The following RSRC1 variants were observed in gnomAD, a reference collection of about 807,000 sequenced individuals.
The protein encoded by RSRC1 is serine/Arginine-related protein 53.
RSRC1 carries 39 observed loss-of-function variants against 49.1 expected under a neutral mutation model. The ratio of observed to expected loss-of-function variants is 0.79; its 90% CI spans 0.61 to 1.04. The LOEUF is 1.04. RSRC1 is among the 50% of genes least tolerant of loss of function. The pLI is 0.00. For missense variants in RSRC1, 388 were observed against 402.4 expected (o/e 0.96, Z 0.31); for synonymous variants, 143 against 130.8 (o/e 1.09, Z -0.63).
At chr3:158,450,331 CT>C (rs57318071) in intron 6 of RSRC1, among the ~76,000 whole-genome samples, 32,415 of 127,070 alleles carry the variant, frequency 0.26, 2,878 homozygotes, top group African/African-American at 0.33. Flanking sequence ...TTCTTTTTTG[CT>C]TTTTTTTTTT....
At chr3:158,387,090 T>A (rs1733008123) in intron 6 of RSRC1, among the ~76,000 whole-genome samples, 1 of 152,046 alleles carries the variant, frequency 6.6e-6, no homozygotes, top group Non-Finnish European at 1.5e-5. Flanking sequence ...AAGTGGTTGG[T>A]TTAGTTACAG....
intron 4 of RSRC1, among the ~76,000 whole-genome samples, chr3:158,269,343 A>G (rs1725375679): frequency 6.6e-6 from 1 of 152,172 alleles, no homozygotes; most frequent in Non-Finnish European, 1.5e-5. Context: ...ATGTTAGTTT[A>G]TGGTGTATGA....
chr3:158,235,030 A>G (rs954822346), intron 4 of RSRC1, among the ~76,000 whole-genome samples: 5 of 152,162 alleles, frequency 3.3e-5, no homozygotes, highest in Admixed American at 2.6e-4. Flanking sequence ...GCAGGGTTAC[A>G]CAGATGGAAA....
chr3:158,267,840 T>C (rs1725276447), intron 4 of RSRC1, among the ~76,000 whole-genome samples: 1 of 148,312 alleles, frequency 6.7e-6, no homozygotes, highest in African/African-American at 2.5e-5. Flanking sequence ...TCTTTTCTTA[T>C]GCTGTTTGTT....
chr3:158,424,618 C>T (rs1162875598), intron 6 of RSRC1, among the ~76,000 whole-genome samples: 3 of 151,118 alleles, frequency 2.0e-5, no homozygotes, highest in Non-Finnish European at 4.4e-5. Flanking sequence ...AGGATTCCCT[C>T]TTTTTCTATT....
intron 7 of RSRC1, among the ~76,000 whole-genome samples, chr3:158,519,201 A>G (rs1305912289): frequency 6.6e-6 from 1 of 152,092 alleles, no homozygotes; most frequent in Non-Finnish European, 1.5e-5. Context: ...TGTTAATTCT[A>G]CATCCCAAAT....
At chr3:158,497,108 C>T (rs1739362902) in intron 7 of RSRC1, among the ~76,000 whole-genome samples, 1 of 151,954 alleles carries the variant, frequency 6.6e-6, no homozygotes, top group Non-Finnish European at 1.5e-5. Context: ...GTATACAGTT[C>T]AGTAGTGTTA....
At chr3:158,379,960 A>G (rs975263497) in intron 6 of RSRC1, among the ~76,000 whole-genome samples, 7 of 151,916 alleles carry the variant, frequency 4.6e-5, no homozygotes, top group Non-Finnish European at 8.8e-5. Context: ...ATATCAGGGT[A>G]AGGATTGTTA....
chr3:158,438,018 C>T (rs944122560), intron 6 of RSRC1, among the ~76,000 whole-genome samples: 1 of 152,100 alleles, frequency 6.6e-6, no homozygotes, highest in African/African-American at 2.4e-5. Flanking sequence ...TTCCTATACA[C>T]CAGTAACAGA....
intron 7 of RSRC1, among the ~76,000 whole-genome samples, chr3:158,491,116 A>G (rs1158215408): frequency 6.6e-6 from 1 of 152,238 alleles, no homozygotes; most frequent in African/African-American, 2.4e-5. Flanking sequence ...TGATAATTTT[A>G]TCATAGTTTT....
chr3:158,492,134 A>T (rs1450600608), intron 7 of RSRC1, among the ~76,000 whole-genome samples: 1 of 152,034 alleles, frequency 6.6e-6, no homozygotes, highest in African/African-American at 2.4e-5. Flanking sequence ...AGCAAGGGGG[A>T]ACTGTCAGAC....
intron 6 of RSRC1, among the ~76,000 whole-genome samples, chr3:158,442,944 G>A (rs1385602924): frequency 6.6e-6 from 1 of 152,034 alleles, no homozygotes. Context: ...TGGGTGACCA[G>A]GTATACTGTC....
At chr3:158,166,164 A>G (rs2108231357) in intron 3 of RSRC1, among the ~76,000 whole-genome samples, 1 of 152,330 alleles carries the variant, frequency 6.6e-6, no homozygotes, top group East Asian at 1.9e-4. Context: ...GGTAATGTCT[A>G]CATTTACTTT....
chr3:158,483,252 T>G (rs1738688527), intron 7 of RSRC1, among the ~76,000 whole-genome samples: 1 of 152,062 alleles, frequency 6.6e-6, no homozygotes, highest in South Asian at 2.1e-4. Context: ...TGGTAGTAAT[T>G]TTTTAAACAC....
intron 6 of RSRC1, among the ~76,000 whole-genome samples, chr3:158,391,555 G>T (rs1364772225): frequency 1.3e-5 from 2 of 152,148 alleles, no homozygotes; most frequent in Non-Finnish European, 2.9e-5. Context: ...AAAGCCCTTG[G>T]CTCCCTTTTA....
At chr3:158,297,993 G>A in intron 4 of RSRC1, 46 bp from the exon 5 acceptor site, 1 of 1,380,272 alleles carries the variant, frequency 7.2e-7, no homozygotes, top group South Asian at 1.2e-5. Context: ...AATTAGAGCA[G>A]ACAAGGATTT....
chr3:158,394,102 A>T (rs1733478677), intron 6 of RSRC1, among the ~76,000 whole-genome samples: 1 of 152,100 alleles, frequency 6.6e-6, no homozygotes, highest in African/African-American at 2.4e-5. Context: ...TAAATTCAAC[A>T]TCCCTGCATG....
intron 7 of RSRC1, among the ~76,000 whole-genome samples, chr3:158,520,798 G>A (rs1206458180): frequency 6.6e-6 from 1 of 152,140 alleles, no homozygotes; most frequent in Non-Finnish European, 1.5e-5. Flanking sequence ...ATGAGTTTAA[G>A]TAGACCTAGA....
intron 5 of RSRC1, among the ~76,000 whole-genome samples, chr3:158,319,269 G>A (rs1728627014): frequency 6.6e-6 from 1 of 152,016 alleles, no homozygotes; most frequent in South Asian, 2.1e-4. Context: ...CATGAAATCG[G>A]ATAGTTTAAG....
Sources: gnomAD v4.1 joint callset for allele counts (sites outside exome capture counted in the v4.1 genomes callset) on GRCh38, gnomAD v4.1.1 for gene constraint, MANE v1.5 for transcripts, NCBI Gene and HGNC (gene_info 2026-07-23, HGNC 2026-07-21) for gene names.